The following FIRRM variants were observed in gnomAD, a reference collection of about 807,000 sequenced individuals.
FIRRM encodes FIGNL1 interacting regulator of recombination and mitosis.
At chr1:169,825,488 T>A in the FIRRM span, among the ~76,000 whole-genome samples, 2 of 152,244 alleles carry the variant, frequency 1.3e-5, no homozygotes, top group African/African-American at 4.8e-5. Context: ...GAACAGTGCA[T>A]GGCATGTATA....
At chr1:169,817,951 A>ATT in the FIRRM span, among the ~76,000 whole-genome samples, 34 of 150,010 alleles carry the variant, frequency 2.3e-4, no homozygotes, top group South Asian at 8.4e-4. Flanking sequence ...GTTCACACAG[A>ATT]TTTTTTTTTT....
the FIRRM span, among the ~76,000 whole-genome samples, chr1:169,837,752 A>G: frequency 4.5e-4 from 69 of 152,336 alleles, 2 homozygotes; most frequent in South Asian, 0.014. Flanking sequence ...TTAGCAGTGG[A>G]CAGTAAAATA....
the FIRRM span, chr1:169,793,520 T>A: frequency 4.3e-6 from 7 of 1,614,096 alleles, no homozygotes; most frequent in Non-Finnish European, 5.1e-6. Context: ...TTCCCACAAG[T>A]GATCCTGAGG....
chr1:169,845,636 G>A, the FIRRM span, among the ~76,000 whole-genome samples: 1 of 152,082 alleles, frequency 6.6e-6, no homozygotes, highest in African/African-American at 2.4e-5. Context: ...ACCAGGAGTA[G>A]TTATGTGTCA....
the FIRRM span, chr1:169,853,060 A>AGAT: frequency 1.9e-5 from 28 of 1,472,664 alleles, no homozygotes; most frequent in Admixed American, 2.2e-4. Flanking sequence ...ATTTTCTAAC[A>AGAT]GATATAAAAC....
the FIRRM span, chr1:169,794,951 G>A: frequency 3.2e-6 from 2 of 623,284 alleles, no homozygotes; most frequent in African/African-American, 3.7e-5. Flanking sequence ...CTTTCTTTCC[G>A]GCCTTGAGGG....
chr1:169,797,540 C>A, the FIRRM span, among the ~76,000 whole-genome samples: 1 of 152,002 alleles, frequency 6.6e-6, no homozygotes, highest in East Asian at 1.9e-4. Context: ...TGTGGTAGGA[C>A]TATGGGTTTT....
the FIRRM span, among the ~76,000 whole-genome samples, chr1:169,797,839 G>A: frequency 1.3e-3 from 202 of 152,280 alleles, no homozygotes; most frequent in African/African-American, 4.7e-3. Context: ...ACCGTGCCCG[G>A]CCGGGTTATT....
chr1:169,826,774 T>C, the FIRRM span, among the ~76,000 whole-genome samples: 2 of 152,202 alleles, frequency 1.3e-5, no homozygotes, highest in African/African-American at 4.8e-5. Flanking sequence ...TTAAGGATAT[T>C]GTGAAAATGA....
the FIRRM span, among the ~76,000 whole-genome samples, chr1:169,820,069 CAA>C: frequency 6.6e-6 from 1 of 152,142 alleles, no homozygotes; most frequent in Non-Finnish European, 1.5e-5. Context: ...ATGGTAGAGA[CAA>C]AGAGCAAGTA....
chr1:169,840,700 T>TG, the FIRRM span, among the ~76,000 whole-genome samples: 2 of 151,822 alleles, frequency 1.3e-5, no homozygotes, highest in Admixed American at 1.3e-4. Flanking sequence ...TTAGTAGAGA[T>TG]GGGGTCTCAC....
At chr1:169,852,085 G>C in the FIRRM span, 5 of 1,100,278 alleles carry the variant, frequency 4.5e-6, no homozygotes, top group Non-Finnish European at 2.6e-6. Context: ...TTTTATGGTA[G>C]TTGCTTTTAA....
At chr1:169,814,513 C>G in the FIRRM span, among the ~76,000 whole-genome samples, 624 of 152,308 alleles carry the variant, frequency 4.1e-3, 5 homozygotes, top group African/African-American at 0.013. Context: ...CAGTTTGTCT[C>G]TCCAGTAAGT....
chr1:169,837,025 A>G, the FIRRM span: 1 of 1,613,858 alleles, frequency 6.2e-7, no homozygotes, highest in African/African-American at 1.3e-5. Context: ...TTAGGGAACA[A>G]ACTGTCCATG....
the FIRRM span, among the ~76,000 whole-genome samples, chr1:169,820,303 G>A: frequency 2.0e-5 from 3 of 152,192 alleles, no homozygotes; most frequent in East Asian, 5.8e-4. Flanking sequence ...TCAAGTTCAG[G>A]CAGCACTTGT....
At chr1:169,845,763 C>A in the FIRRM span, among the ~76,000 whole-genome samples, 1 of 152,114 alleles carries the variant, frequency 6.6e-6, no homozygotes, top group Admixed American at 6.6e-5. Flanking sequence ...GCTATTTCTA[C>A]CACATCTGCA....
the FIRRM span, among the ~76,000 whole-genome samples, chr1:169,826,580 C>T: frequency 6.6e-6 from 1 of 152,024 alleles, no homozygotes; most frequent in East Asian, 1.9e-4. Context: ...CAAGGCTGGT[C>T]TTGAACTCCT....
chr1:169,842,768 T>C, the FIRRM span, among the ~76,000 whole-genome samples: 1 of 152,310 alleles, frequency 6.6e-6, no homozygotes, highest in Middle Eastern at 3.4e-3. Context: ...GTCCACCTAC[T>C]TACTTTCCTA....
the FIRRM span, among the ~76,000 whole-genome samples, chr1:169,821,443 TTTC>T: frequency 6.6e-6 from 1 of 151,998 alleles, no homozygotes; most frequent in African/African-American, 2.4e-5. Flanking sequence ...TAGGTTAAGA[TTTC>T]TTTTCTTTTC....
Sources: allele counts gnomAD v4.1 joint callset (sites outside exome capture counted in the v4.1 genomes callset), GRCh38; gene constraint gnomAD v4.1.1; transcripts MANE v1.5; gene names NCBI Gene and HGNC (gene_info 2026-07-23, HGNC 2026-07-21).